The following CAPN15 variants were observed in gnomAD, a reference collection of about 807,000 sequenced individuals.
The protein encoded by CAPN15 is calpain-15.
Under a neutral mutation model 97.9 loss-of-function variants are expected in CAPN15, and 53 were observed. The ratio of observed to expected loss-of-function variants is 0.54; its 90% CI spans 0.43 to 0.68. CAPN15 has a LOEUF of 0.68. Ranked by LOEUF, CAPN15 falls within the 30% of genes least tolerant of loss-of-function variation. The probability of loss-of-function intolerance (pLI) is 0.00; values close to 1 mark genes in which losing one functional copy is unlikely to be tolerated. For missense variants in CAPN15, 1,592 were observed against 1,589.8 expected, an observed-to-expected ratio of 1.00 and a Z score of -0.02; for synonymous variants, 922 against 722.5, an observed-to-expected ratio of 1.28 and a Z score of -4.43.
intron 9 of CAPN15, 49 bp downstream of exon 9, chr16:551,713 C>T (rs769881268): frequency 1.9e-6 from 3 of 1,575,594 alleles, no homozygotes; most frequent in Non-Finnish European, 2.6e-6. Context: ...CCTCCTAGGG[C>T]CGAGTCCTTC....
At position 544,388 on chromosome 16, in the gene CAPN15, G is replaced by A. The variant is rs370579017; in HGVS notation, c.-22-2429G>A. Among the ~76,000 whole-genome samples, 45 of 152,116 alleles carry A rather than the reference G, an allele frequency of 3.0e-4. No individual in the cohort carries two copies. In the East Asian group the frequency reaches 6.8e-3, roughly 23 times the overall value. ...CTCTGGTGGCTTTGACCGAGGCCCCGGGGGACAGAATGCAGCTTCCTGCTC... is the reference window on the plus strand; with the variant it reads ...CTCTGGTGGCTTTGACCGAGGCCCCAGGGGACAGAATGCAGCTTCCTGCTC... On this transcript the variant is annotated intron_variant, in intron 3 of 13. Transcript: ENST00000219611.
In CAPN15 at chr16:528,039, G is replaced by A. The variant is rs2032972730; in HGVS notation, c.-190+10G>A. ...CCGCCGGGCTGTGGAGGTGAGTCCCGTCGGCCGGGCCCGGCCGGGCGCCCA... is the reference window on the plus strand; with the variant it reads ...CCGCCGGGCTGTGGAGGTGAGTCCCATCGGCCGGGCCCGGCCGGGCGCCCA... On this transcript the variant is annotated intron_variant, in intron 1 of 13. Coordinates refer to ENST00000219611, the MANE Select transcript of CAPN15 (RefSeq NM_005632.3). 1 of 143,586 alleles carries A rather than the reference G, an allele frequency of 7.0e-6. No individual in the cohort carries two copies. 8.9% of individuals were successfully genotyped at this position (143,586 alleles called of 1,614,324 possible). A position where few individuals can be genotyped will look rare whatever the true frequency, so the allele number is the denominator to read the frequency against.
intron 9 of CAPN15, 69 bp from the exon 10 acceptor site, chr16:551,982 C>G: frequency 6.8e-7 from 1 of 1,478,866 alleles, no homozygotes. Flanking sequence ...CCTGTGGTTG[C>G]GGTAGGCGCT....
Position 547,095 on chromosome 16 carries a change from T to C in CAPN15, c.257T>C (p.Val86Ala), listed in dbSNP as rs761034438. 3 of 1,587,282 alleles carry C rather than the reference T, an allele frequency of 1.9e-6. No homozygotes were observed. In the Admixed American group the frequency reaches 5.1e-5, roughly 27 times the overall value. ...GCCTTCCTGCCAGTCCTCAACGGGGTCCTCCCCAAGCCACCCGCCATCCTG... is the reference window on the plus strand; with the variant it reads ...GCCTTCCTGCCAGTCCTCAACGGGGCCCTCCCCAAGCCACCCGCCATCCTG... ...GAAFLPVLNGVLPKPPAILGE... is the reference protein window; with the variant it reads ...GAAFLPVLNGALPKPPAILGE... The change falls in exon 4 of 14, where the codon GTC becomes GCC. Residue 86 changes from valine to alanine, a missense_variant. By Grantham distance (64) the Val-to-Ala change is moderately conservative. Coordinates refer to ENST00000219611, the MANE Select transcript of CAPN15 (RefSeq NM_005632.3).
chr16:528,717 G>A (rs2033030720), intron 1 of CAPN15: 1 of 985,300 alleles, frequency 1.0e-6, no homozygotes, highest in Admixed American at 6.1e-5. Flanking sequence ...TTACCGGACT[G>A]CAGGTAACAA....
intron 7 of CAPN15, among the ~76,000 whole-genome samples, chr16:550,733 C>CGGTCGGTGAGGGCCCCCA (rs1555447171): frequency 1.1e-4 from 1 of 9,358 alleles, no homozygotes; most frequent in Non-Finnish European, 3.2e-4. Flanking sequence ...TGAGGGTCCC[C>CGGTCGGTGAGGGCCCCCA]GTCGGTGAGG....
At position 547,226 on chromosome 16, in the gene CAPN15, GAGA is replaced by G. The variant is rs770110282; in HGVS notation, c.391_393del (p.Lys131del). 5 of 1,522,696 alleles carry G rather than the reference GAGA, an allele frequency of 3.3e-6. No homozygotes were observed. In the South Asian group the frequency reaches 3.8e-5, roughly 11 times the overall value. 94.3% of individuals were successfully genotyped at this position (1,522,696 alleles called of 1,614,324 possible). The stretch of plus-strand genomic sequence containing the variant: ...GCAGTGCGAGGACAAGGACGAGGAG[GAGA>G]AGGAGGAGCAGGAGGAGGAGGAGGG... On this transcript the variant is annotated inframe_deletion, in exon 4 of 14. Coordinates refer to ENST00000219611, the MANE Select transcript of CAPN15 (RefSeq NM_005632.3).
rs1414313872 is a variant in CAPN15 at position 535,703 on chromosome 16, T to C, written c.-136-326T>C. ...TGGCTGCAGCCTGGCTCTGTGGCAG[T>C]CATGAGTCACGGCCACTCTTGAGGC... On this transcript the variant is annotated intron_variant, in intron 2 of 13. Coordinates refer to ENST00000219611, the MANE Select transcript of CAPN15 (RefSeq NM_005632.3). The surrounding 1 kb of genome is among the most constrained non-coding windows in gnomAD (Gnocchi z 6.2). 6.6e-6 allele frequency among the ~76,000 whole-genome samples: 1 copy of C among 152,008 alleles called. No individual in the cohort carries two copies. Among genetic ancestry groups the C allele is most frequent in the East Asian group, 1.9e-4 (1 of 5,172 alleles).
chr16:553,088 C>G, intron 13 of CAPN15, 47 bp downstream of exon 13: 1 of 1,070,258 alleles, frequency 9.3e-7, no homozygotes, highest in Non-Finnish European at 1.3e-6. Context: ...GTGCCCCCTC[C>G]CCTACCCCGC....
In CAPN15 at chr16:543,012, C is replaced by T. The variant is rs561942725; in HGVS notation, c.-22-3805C>T. ...GTTGCAGTGAGCCAAGATTGCACCA[C>T]TGCACTCCAGTGTGGGCGACAGAGT... On this transcript the variant is annotated intron_variant, in intron 3 of 13. Coordinates refer to ENST00000219611, the MANE Select transcript of CAPN15 (RefSeq NM_005632.3). 2.8e-3 allele frequency among the ~76,000 whole-genome samples: 419 copies of T among 152,210 alleles called. 3 individuals are homozygous for T. Among genetic ancestry groups the T allele is most frequent in the African/African-American group, 7.4e-3 (308 of 41,534 alleles).
chr16:549,713 C>G lies in CAPN15; in HGVS notation c.1941C>G (p.Gly647=), dbSNP rs914391000. 2 of 1,571,704 alleles carry G rather than the reference C, an allele frequency of 1.3e-6. No individual in the cohort carries two copies. The highest frequency in any genetic ancestry group is 1.7e-6 in the Non-Finnish European group (2 of 1,160,136). Residue 647 remains glycine, a synonymous_variant, in exon 7 of 14, where the codon GGC becomes GGG. Transcript: ENST00000219611. ...FALQAGRAIE[G]LATLTGAPCE... ...TCCAGGCGGGCCGCGCCATCGAAGG[C>G]CTGGCCACGCTCACCGGCGCCCCCT... is the stretch of plus-strand genomic sequence containing the variant.
intron 7 of CAPN15, 73 bp downstream of exon 7, chr16:549,911 C>G: frequency 8.0e-7 from 1 of 1,250,392 alleles, no homozygotes. Context: ...AGATGTGGGG[C>G]TGGTGGCCCC....
At chr16:529,043 G>C (rs2033055484) in intron 1 of CAPN15, among the ~76,000 whole-genome samples, 1 of 152,186 alleles carries the variant, frequency 6.6e-6, no homozygotes, top group African/African-American at 2.4e-5. Flanking sequence ...TGGCCTGTCT[G>C]GGGGAGGCAG....
chr16:551,263 G>A, intron 7 of CAPN15, 39 bp from the exon 8 acceptor site: 2 of 1,539,978 alleles, frequency 1.3e-6, no homozygotes, highest in South Asian at 1.2e-5. Context: ...TCCCCTGTCG[G>A]TGAGGGTCCC....
Position 552,296 on chromosome 16 carries a change from C to T in CAPN15, c.2508-5C>T, listed in dbSNP as rs540078963. 125 of 1,548,106 alleles carry T rather than the reference C, an allele frequency of 8.1e-5. 1 individual carries two copies. Among genetic ancestry groups the T allele is most frequent in the South Asian group, 2.8e-4 (24 of 84,980 alleles). On this transcript the variant is annotated splice_region_variant and splice_polypyrimidine_tract_variant and intron_variant, in intron 10 of 13. Coordinates refer to ENST00000219611, the MANE Select transcript of CAPN15 (RefSeq NM_005632.3). This position sits in a 1 kb window ranked among gnomAD's most constrained non-coding sequence, Gnocchi z 6.4. Reference sequence around the variant, plus strand: ...CGTGACCCTGGCCCGTGGTGTCTGGCGCAGGCGCTCGGACGCCGTGGACAG... The same window carrying T: ...CGTGACCCTGGCCCGTGGTGTCTGGTGCAGGCGCTCGGACGCCGTGGACAG...
rs549706302 is a variant in CAPN15 at position 527,773 on chromosome 16, C to G, written c.-446C>G. On this transcript the variant is annotated 5_prime_UTR_variant, in exon 1 of 14. Coordinates refer to ENST00000219611, the MANE Select transcript of CAPN15 (RefSeq NM_005632.3). ...CCCGGGCGCGCCGTAGCCGCGGGGC[C>G]CGGGCCGGGCGCTACGCTACGAAGG... is the stretch of plus-strand genomic sequence containing the variant. 1.3e-5 allele frequency: 2 copies of G among 149,726 alleles called. No homozygotes were observed. The highest frequency in any genetic ancestry group is 3.0e-5 in the Non-Finnish European group (2 of 67,114). 9.3% of individuals were successfully genotyped at this position (149,726 alleles called of 1,614,324 possible).
rs763861001 is a variant in CAPN15 at position 552,410 on chromosome 16, A to G, written c.2617A>G (p.Lys873Glu). 1 of 1,601,704 alleles carries G rather than the reference A, an allele frequency of 6.2e-7. No homozygotes were observed. Among genetic ancestry groups the G allele is most frequent in the Non-Finnish European group, 8.5e-7 (1 of 1,173,160 alleles). Reference protein sequence around the residue: ...LSLGRLLAHSKRAVKKFVSCD... With the variant: ...LSLGRLLAHSERAVKKFVSCD... ...CCTGGGCCGCCTCCTGGCCCACAGT[A>G]AGCGCGCGGTCAAGAAGTTCGTCAG... is the stretch of plus-strand genomic sequence containing the variant. The change falls in exon 11 of 14, where the codon AAG becomes GAG. Residue 873 changes from lysine (K) to glutamate (E), a missense_variant. By Grantham distance (56) the Lys-to-Glu change is moderately conservative. This residue lies in a region of CAPN15 where 644 missense variants were observed against 699.6 expected (regional missense o/e 0.92). Transcript: ENST00000219611. The surrounding 1 kb of genome is among the most constrained non-coding windows in gnomAD (Gnocchi z 6.4).
chr16:530,310 AGC>A lies in CAPN15; in HGVS notation c.-190+2284_-190+2285del, dbSNP rs574406810. Among the ~76,000 whole-genome samples, 9 of 152,340 alleles carry A rather than the reference AGC, an allele frequency of 5.9e-5. No homozygotes were observed. The South Asian group carries it at 1.9e-3, about 32-fold the overall frequency. On this transcript the variant is annotated intron_variant, in intron 1 of 13. Transcript: ENST00000219611. ...CTGTTTCTTGGTAGGCCTAGTGTCT[AGC>A]GCTATGCAGCCGTGCGCAGAGCAGG...
At chr16:540,408 G>T (rs147491612) in intron 3 of CAPN15, 1 of 950,352 alleles carries the variant, frequency 1.1e-6, no homozygotes, top group East Asian at 1.2e-4. Context: ...GAGGGCTCCC[G>T]GGGGCAGAGG....
Sources: gnomAD v4.1 joint callset for allele counts (sites outside exome capture counted in the v4.1 genomes callset) on GRCh38, gnomAD v4.1.1 for gene constraint, gnomAD v4.1.1 regional missense constraint, Gnocchi (gnomAD v3.1) non-coding constraint, MANE v1.5 for transcripts, NCBI Gene and HGNC (gene_info 2026-07-23, HGNC 2026-07-21) for gene names.